NWD1: variants seen among roughly 807,000 people sequenced by gnomAD.
NWD1 encodes the protein NACHT domain- and WD repeat-containing protein 1.
A neutral mutation model predicts 135.1 loss-of-function variants in NWD1; 129 were observed. The observed-to-expected ratio is 0.96, with a 90% CI of 0.83 to 1.11. The LOEUF (loss-of-function observed/expected upper bound fraction) is 1.11, where lower values mean the gene tolerates loss of function less well. Among genes scored for constraint, NWD1 ranks in the 50% least tolerant of loss-of-function variants. NWD1 has a pLI of 0.00. For missense variants in NWD1, 1,740 were observed against 1,851.3 expected, an observed-to-expected ratio of 0.94 and a Z score of 1.10; for synonymous variants, 773 against 786.0, an observed-to-expected ratio of 0.98 and a Z score of 0.28.
chr19:16,787,758 G>A (rs1970085753), intron 12 of NWD1, among the ~76,000 whole-genome samples: 1 of 151,664 alleles, frequency 6.6e-6, no homozygotes, highest in Non-Finnish European at 1.5e-5. Flanking sequence ...TACTCAGGAA[G>A]CTGAGGCATG....
intron 13 of NWD1, 107 bp from the exon 14 acceptor site, chr19:16,791,243 A>C: frequency 2.0e-6 from 2 of 1,013,260 alleles, no homozygotes; most frequent in Non-Finnish European, 2.9e-6. Context: ...CCAAAAGAAA[A>C]GAAAATGCAT....
chr19:16,748,838 T>TAATAAG (rs1162322844), intron 5 of NWD1, among the ~76,000 whole-genome samples: 62 of 151,300 alleles, frequency 4.1e-4, no homozygotes, highest in African/African-American at 1.5e-3. Context: ...ATAATAATAA[T>TAATAAG]AAGAAGAAGA....
At chr19:16,764,515 C>G (rs1453761261) in intron 9 of NWD1, among the ~76,000 whole-genome samples, 1 of 152,026 alleles carries the variant, frequency 6.6e-6, no homozygotes, top group Non-Finnish European at 1.5e-5. Flanking sequence ...GTCTGTCCAT[C>G]CATCCATCCA....
At chr19:16,810,869 C>CATTT (rs1970905043) in intron 18 of NWD1, among the ~76,000 whole-genome samples, 1 of 152,110 alleles carries the variant, frequency 6.6e-6, no homozygotes, top group Non-Finnish European at 1.5e-5. Context: ...GTTATTTATT[C>CATTT]ATTTATTTAT....
intron 7 of NWD1, among the ~76,000 whole-genome samples, chr19:16,760,777 GA>G (rs1239534741): frequency 2.6e-5 from 4 of 151,702 alleles, no homozygotes; most frequent in Admixed American, 2.6e-4. Flanking sequence ...TTTTAGTAGA[GA>G]CGGGTTTCAC....
At position 16,749,349 on chromosome 19, in the gene NWD1, C is replaced by T. The variant is rs375113440; in HGVS notation, c.707C>T (p.Pro236Leu). ...AAAAGTCACATCACTGACATGCACC[C>T]AGGGGTCCTCAAGACCCACCGCCTG... ...SLKSHITDMHPGVLKTHRLPW... is the reference protein window; with the variant it reads ...SLKSHITDMHLGVLKTHRLPW... The change falls in exon 6 of 19, where the codon CCA becomes CTA. Residue 236 changes from proline (P) to leucine (L), a missense_variant. Pro to Leu is a moderately conservative substitution (Grantham distance 98). Transcript: ENST00000524140. The T allele has an allele frequency of 3.7e-6, 6 of 1,613,668 alleles. No individual in the cohort carries two copies. Among genetic ancestry groups the T allele is most frequent in the Non-Finnish European group, 5.1e-6 (6 of 1,179,860 alleles).
In NWD1 at chr19:16,797,842, G is replaced by A. The variant is rs147828282; in HGVS notation, c.3415G>A (p.Glu1139Lys). 3.5e-5 allele frequency: 57 copies of A among 1,614,120 alleles called. No individual in the cohort carries two copies. The African/African-American group carries it at 7.3e-4, about 21-fold the overall frequency. The change falls in exon 16 of 19, where the codon GAG becomes AAG. Residue 1139 changes from glutamate (E) to lysine (K), a missense_variant. Coordinates refer to ENST00000524140, the MANE Select transcript of NWD1 (RefSeq NM_001007525.5). The part of the protein sequence containing the change: ...DMVETAVFGT[E>K]NNLIITGSLD... ...GGTGGAGACGGCTGTTTTTGGTACTGAGAACAACCTGATCATCACGGGGTC... is the reference window on the plus strand; with the variant it reads ...GGTGGAGACGGCTGTTTTTGGTACTAAGAACAACCTGATCATCACGGGGTC...
intron 12 of NWD1, among the ~76,000 whole-genome samples, chr19:16,780,499 C>G (rs1184482825): frequency 6.6e-6 from 1 of 152,166 alleles, no homozygotes; most frequent in East Asian, 1.9e-4. Flanking sequence ...CACAGAATCT[C>G]TTAAGCCTGG....
chr19:16,788,414 A>C (rs933459122), intron 12 of NWD1, among the ~76,000 whole-genome samples: 1 of 150,714 alleles, frequency 6.6e-6, no homozygotes, highest in African/African-American at 2.4e-5. Context: ...CTAAAAATAG[A>C]AAAAATTAGC....
intron 12 of NWD1, among the ~76,000 whole-genome samples, chr19:16,782,564 A>G (rs977878532): frequency 6.6e-6 from 1 of 152,188 alleles, no homozygotes; most frequent in African/African-American, 2.4e-5. Context: ...TTTTTAAAAA[A>G]TTTAAAGGGG....
intron 18 of NWD1, among the ~76,000 whole-genome samples, 164 bp from the exon 19 acceptor site, chr19:16,814,864 T>G (rs1273584904): frequency 6.6e-6 from 1 of 152,128 alleles, no homozygotes; most frequent in East Asian, 1.9e-4. Flanking sequence ...TCATTCCCAT[T>G]GTGCAGATAA....
rs749340145 is a variant in NWD1, at chr19:16,750,015, G to GC, written c.1379dup (p.Arg461GlufsTer81). 3.1e-6 allele frequency: 5 copies of GC among 1,613,802 alleles called. No individual in the cohort carries two copies. The highest frequency in any genetic ancestry group is 2.7e-5 in the African/African-American group (2 of 75,036). On this transcript the variant is annotated frameshift_variant, in exon 6 of 19. Transcript: ENST00000524140. LOFTEE classifies it high-confidence loss of function. ...AGGGTTCCCTGGCTGCCTCTCAACTGCCCCCCGAGGGTGCACCTCATCCTC... is the reference window on the plus strand; with the variant it reads ...AGGGTTCCCTGGCTGCCTCTCAACTGCCCCCCCGAGGGTGCACCTCATCCTC...
intron 12 of NWD1, 97 bp downstream of exon 12, chr19:16,779,562 C>A: frequency 8.5e-7 from 1 of 1,183,288 alleles, no homozygotes; most frequent in Non-Finnish European, 1.2e-6. Context: ...GTATTGAAAC[C>A]CTGGCCTTTG....
In NWD1 at chr19:16,779,092, C is replaced by G. The variant is rs182430692; in HGVS notation, c.2609-251C>G. Reference sequence around the variant, plus strand: ...GGTGAGCACTGCTAGACTAGACAGACACTTATGACCACACTGTGATGCAGT... The same window carrying G: ...GGTGAGCACTGCTAGACTAGACAGAGACTTATGACCACACTGTGATGCAGT... On this transcript the variant is annotated intron_variant, in intron 11 of 18. Transcript: ENST00000524140. Among the ~76,000 whole-genome samples the G allele has an allele frequency of 3.2e-4, 48 of 152,268 alleles. No individual in the cohort carries two copies. In the East Asian group the frequency reaches 6.0e-3, roughly 19 times the overall value.
intron 8 of NWD1, among the ~76,000 whole-genome samples, chr19:16,762,782 G>GCTTC (rs554518644): frequency 1.4e-3 from 205 of 149,720 alleles, no homozygotes; most frequent in African/African-American, 4.6e-3. Context: ...TCCCTCCCTC[G>GCTTC]CTTCCTTCCT....
At chr19:16,803,749 T>C (rs1242745096) in intron 17 of NWD1, among the ~76,000 whole-genome samples, 1 of 142,374 alleles carries the variant, frequency 7.0e-6, no homozygotes, top group Non-Finnish European at 1.5e-5. Context: ...AAACCCCAAC[T>C]CTACTTAAAA....
intron 8 of NWD1, among the ~76,000 whole-genome samples, chr19:16,763,156 G>A (rs1969085744): frequency 6.6e-6 from 1 of 151,062 alleles, no homozygotes; most frequent in South Asian, 2.1e-4. Flanking sequence ...TGTGCCCAGA[G>A]TCCCTGCAGA....
chr19:16,735,958 C>A (rs1367639035), intron 3 of NWD1, among the ~76,000 whole-genome samples: 2 of 117,368 alleles, frequency 1.7e-5, no homozygotes, highest in African/African-American at 3.1e-5. Flanking sequence ...AGCAGGACTC[C>A]AACTCAAAAA....
At position 16,808,011 on chromosome 19, in the gene NWD1, A is replaced by T. The variant is rs1379726402; in HGVS notation, c.4162A>T (p.Arg1388Trp). 6.2e-7 allele frequency: 1 copy of T among 1,614,170 alleles called. No individual in the cohort carries two copies. The highest frequency in any genetic ancestry group is 1.7e-5 in the Admixed American group (1 of 59,998). Reference protein sequence around the residue: ...TSKAFPLETHRSRVACVEVSH... With the variant: ...TSKAFPLETHWSRVACVEVSH... ...CAAAGCGTTTCCCTTGGAGACCCAC[A>T]GGAGCCGAGTTGCCTGTGTGGAGGT... is the stretch of plus-strand genomic sequence containing the variant. The change falls in exon 18 of 19, where the codon AGG becomes TGG. Residue 1388 changes from arginine to tryptophan, a missense_variant. By Grantham distance (101) the Arg-to-Trp change is moderately radical (BLOSUM62 -3). Transcript: ENST00000524140.
Sources: gnomAD v4.1 joint callset for allele counts (sites outside exome capture counted in the v4.1 genomes callset) on GRCh38, gnomAD v4.1.1 for gene constraint, MANE v1.5 for transcripts, NCBI Gene and HGNC (gene_info 2026-07-23, HGNC 2026-07-21) for gene names.